The following FOCAD variants were observed in gnomAD, a reference collection of about 807,000 sequenced individuals.
The protein encoded by FOCAD is KIAA1797.
Under a neutral mutation model 225.6 loss-of-function variants are expected in FOCAD, and 198 were observed. The ratio of observed to expected loss-of-function variants is 0.88; its 90% CI spans 0.78 to 0.99. The LOEUF is 0.99. Ranked by LOEUF, FOCAD falls within the 50% of genes least tolerant of loss-of-function variation. The pLI is 0.00. For synonymous variants in FOCAD, 897 were observed against 755.0 expected (o/e 1.19, Z -3.08); for missense variants, 2,713 against 2,123.6 (o/e 1.28, Z -5.46).
At chr9:20,948,126 C>A in intron 30 of FOCAD, 145 bp from the exon 31 acceptor site, 2 of 807,848 alleles carry the variant, frequency 2.5e-6, no homozygotes, top group Non-Finnish European at 3.6e-6. Context: ...CAAAAAAACA[C>A]TTAAGTCTGA....
At chr9:20,658,407 C>T (rs565850123) in exon 1 of FOCAD, 54 of 166,508 alleles carry the variant, frequency 3.2e-4, no homozygotes, top group Admixed American at 5.8e-4. Flanking sequence ...TGATCTCAGA[C>T]TGCTGTGCTA....
intron 2 of FOCAD, among the ~76,000 whole-genome samples, chr9:20,663,110 G>C (rs1587173522): frequency 6.6e-6 from 1 of 152,140 alleles, no homozygotes; most frequent in Admixed American, 6.5e-5. Context: ...ATTAGGCTGG[G>C]TGTGATAGCT....
intron 33 of FOCAD, among the ~76,000 whole-genome samples, 155 bp from the exon 34 acceptor site, chr9:20,950,841 G>A (rs1020031855): frequency 7.9e-5 from 12 of 152,142 alleles, no homozygotes; most frequent in Admixed American, 3.3e-4. Flanking sequence ...CAGGTATAGC[G>A]TACTAGACAC....
At chr9:20,840,820 C>T (rs1826447967) in intron 15 of FOCAD, among the ~76,000 whole-genome samples, 1 of 151,940 alleles carries the variant, frequency 6.6e-6, no homozygotes, top group South Asian at 2.1e-4. Context: ...GGAAGAATTT[C>T]AGCTTTCCCT....
chr9:20,911,207 C>A (rs1833410076), intron 22 of FOCAD, among the ~76,000 whole-genome samples: 1 of 151,936 alleles, frequency 6.6e-6, no homozygotes, highest in South Asian at 2.1e-4. Flanking sequence ...AATGAAAGGG[C>A]CAGAATTCTA....
At chr9:20,665,105 G>C (rs1051514669) in intron 2 of FOCAD, among the ~76,000 whole-genome samples, 13 of 152,106 alleles carry the variant, frequency 8.5e-5, no homozygotes, top group African/African-American at 3.1e-4. Flanking sequence ...GATTAAGTAG[G>C]CATGTTGATT....
At chr9:20,893,134 T>C (rs1054401962) in intron 21 of FOCAD, among the ~76,000 whole-genome samples, 36 of 152,124 alleles carry the variant, frequency 2.4e-4, no homozygotes, top group African/African-American at 8.7e-4. Flanking sequence ...CAAGGGATCC[T>C]TCCATCTCAG....
At chr9:20,938,568 G>A (rs7853328) in intron 28 of FOCAD, among the ~76,000 whole-genome samples, 78,827 of 137,246 alleles carry the variant, frequency 0.57, 21,108 homozygotes, top group East Asian at 0.74. Flanking sequence ...ATCACACACG[G>A]GGGCCTGTTG....
intron 11 of FOCAD, among the ~76,000 whole-genome samples, chr9:20,790,057 T>C (rs1412258457): frequency 1.3e-5 from 2 of 152,244 alleles, no homozygotes; most frequent in South Asian, 2.1e-4. Context: ...ACTATCTTTA[T>C]TGAGTCATTT....
chr9:20,724,598 C>T (rs550230556), intron 4 of FOCAD, among the ~76,000 whole-genome samples: 8 of 152,198 alleles, frequency 5.3e-5, no homozygotes, highest in African/African-American at 1.9e-4. Flanking sequence ...GCTAAGTTTT[C>T]CTTATTGTTG....
At chr9:20,962,132 G>A (rs932081750) in intron 35 of FOCAD, among the ~76,000 whole-genome samples, 15 of 151,962 alleles carry the variant, frequency 9.9e-5, no homozygotes, top group African/African-American at 3.6e-4. Flanking sequence ...CCTTGGTGGG[G>A]GAAGATAGGG....
chr9:20,936,131 T>C (rs954634476), intron 28 of FOCAD, among the ~76,000 whole-genome samples: 16 of 152,334 alleles, frequency 1.1e-4, no homozygotes, highest in Middle Eastern at 3.4e-3. Flanking sequence ...TTCCATGCGT[T>C]TTGGAACGTC....
rs1346669816 is a variant in FOCAD at position 20,978,442 on chromosome 9, CCA to C, written c.4368_4369del (p.His1456GlnfsTer23). On this transcript the variant is annotated frameshift_variant, in exon 37 of 44. Coordinates refer to ENST00000338382, the MANE Select transcript of FOCAD (RefSeq NM_001375567.1). LOFTEE classifies it high-confidence loss of function. Reference protein sequence around the residue: ...LGLWVTPPLIHSLSLNTKRYL... With the variant: ...LGLWVTPPLIXSLSLNTKRYL... ...GCTTGTGGGTGACACCACCACTGATCCACAGTCTGAGTGTATGTAGTAACTAA... is the reference window on the plus strand; with the variant it reads ...GCTTGTGGGTGACACCACCACTGATCCAGTCTGAGTGTATGTAGTAACTAA... 1.9e-6 allele frequency: 3 copies of C among 1,608,418 alleles called. No individual in the cohort carries two copies. The highest frequency in any genetic ancestry group is 2.5e-6 in the Non-Finnish European group (3 of 1,176,514).
chr9:20,777,304 G>GTTTTTTTTTTTTTTTTTTTTTTTTTT (rs35710134), intron 8 of FOCAD, among the ~76,000 whole-genome samples: 2 of 110,868 alleles, frequency 1.8e-5, no homozygotes, highest in Non-Finnish European at 3.7e-5. Context: ...TTTCCTGTGG[G>GTTTTTTTTTTTTTTTTTTTTTTTTTT]TTTTTTTTTT....
rs1296752627 is a variant in FOCAD, at chr9:20,789,614, G to C, written c.1455+6G>C. 1 of 1,613,434 alleles carries C rather than the reference G, an allele frequency of 6.2e-7. No homozygotes were observed. The highest frequency in any genetic ancestry group is 1.3e-5 in the African/African-American group (1 of 74,988). On this transcript the variant is annotated splice_donor_region_variant and intron_variant, in intron 11 of 43. Transcript: ENST00000338382. Reference sequence around the variant, plus strand: ...CCCAAGCAGATTCCTCCCAGGTAAAGCAAGAGAATAATGGAACAATAATGA... The same window carrying C: ...CCCAAGCAGATTCCTCCCAGGTAAACCAAGAGAATAATGGAACAATAATGA...
intron 15 of FOCAD, among the ~76,000 whole-genome samples, chr9:20,853,303 G>A (rs367902662): frequency 3.3e-5 from 5 of 151,804 alleles, no homozygotes; most frequent in African/African-American, 9.6e-5. Flanking sequence ...GAAACCTAAC[G>A]TCTCTGGCTG....
intron 9 of FOCAD, among the ~76,000 whole-genome samples, chr9:20,779,674 C>G (rs1386581507): frequency 1.1e-4 from 16 of 151,972 alleles, no homozygotes; most frequent in Admixed American, 1.0e-3. Flanking sequence ...CACCTGAACC[C>G]CGGAGGCAGA....
At chr9:20,990,464 G>T in intron 42 of FOCAD, 90 bp downstream of exon 42, 1 of 1,442,616 alleles carries the variant, frequency 6.9e-7, no homozygotes, top group South Asian at 1.3e-5. Context: ...AGTTAAGTGC[G>T]TCTTGAATCA....
rs556607024 is a variant in FOCAD at position 20,913,390 on chromosome 9, C to T, written c.2807+436C>T. ...ATTATTAGGAGCAACTTTACCGTGT[C>T]ATGGGTTTAATTTCTTTGGCAGACA... On this transcript the variant is annotated intron_variant, in intron 23 of 43. Coordinates refer to ENST00000338382, the MANE Select transcript of FOCAD (RefSeq NM_001375567.1). 3.9e-5 allele frequency among the ~76,000 whole-genome samples: 6 copies of T among 152,230 alleles called. No individual in the cohort carries two copies. The South Asian group carries it at 1.2e-3, about 32-fold the overall frequency.
Sources: gnomAD v4.1 joint callset for allele counts (sites outside exome capture counted in the v4.1 genomes callset) on GRCh38, gnomAD v4.1.1 for gene constraint, MANE v1.5 for transcripts, NCBI Gene and HGNC (gene_info 2026-07-23, HGNC 2026-07-21) for gene names.